Variants in FAM47E observed in about 807,000 individuals in gnomAD.
FAM47E encodes family with sequence similarity 47 member E, also known as protein FAM47E.
In FAM47E, 32 loss-of-function variants were observed where a neutral mutation model predicts 41.6. The ratio of observed to expected loss-of-function variants is 0.77; its 90% CI spans 0.58 to 1.03. The LOEUF is 1.03. Ranked by LOEUF, FAM47E falls within the 50% of genes least tolerant of loss-of-function variation. The probability of loss-of-function intolerance (pLI) is 0.00; values close to 1 mark genes in which losing one functional copy is unlikely to be tolerated. For missense variants in FAM47E, 424 were observed against 485.4 expected, an observed-to-expected ratio of 0.87 and a Z score of 1.19; for synonymous variants, 184 against 188.7, an observed-to-expected ratio of 0.98 and a Z score of 0.20.
At chr4:76,253,568 A>G (rs1430089034) in intron 1 of FAM47E, among the ~76,000 whole-genome samples, 1 of 152,158 alleles carries the variant, frequency 6.6e-6, no homozygotes, top group African/African-American at 2.4e-5. Flanking sequence ...ATGAGAGGCC[A>G]TGTGGGGGAG....
intron 6 of FAM47E, chr4:76,279,171 A>C (rs962946130): frequency 6.6e-6 from 1 of 152,198 alleles, no homozygotes; most frequent in African/African-American, 2.4e-5. Context: ...AAATTATGTA[A>C]ATAATGTTTG....
intron 2 of FAM47E, among the ~76,000 whole-genome samples, chr4:76,243,954 C>T (rs548625310): frequency 6.6e-6 from 1 of 152,272 alleles, no homozygotes; most frequent in East Asian, 1.9e-4. Flanking sequence ...CATATGTTCT[C>T]ATTGTTCAAC....
At chr4:76,227,969 A>AT (rs1733427371) in intron 2 of FAM47E, among the ~76,000 whole-genome samples, 1 of 152,042 alleles carries the variant, frequency 6.6e-6, no homozygotes, top group Non-Finnish European at 1.5e-5. Context: ...TGGTTACTTG[A>AT]TTTTTATCTA....
At chr4:76,255,358 T>C (rs1451825206) in intron 1 of FAM47E, among the ~76,000 whole-genome samples, 1 of 152,200 alleles carries the variant, frequency 6.6e-6, no homozygotes, top group East Asian at 1.9e-4. Flanking sequence ...AATATGCTCG[T>C]ATGTGTAAAG....
At chr4:76,276,069 C>CA (rs869240236) in intron 5 of FAM47E, among the ~76,000 whole-genome samples, 39,553 of 148,738 alleles carry the variant, frequency 0.27, 6,172 homozygotes, top group East Asian at 0.35. Flanking sequence ...CACACACACA[C>CA]CCCTCCCCTA....
chr4:76,227,880 A>G (rs1252332669), intron 2 of FAM47E, among the ~76,000 whole-genome samples: 1 of 152,184 alleles, frequency 6.6e-6, no homozygotes, highest in Non-Finnish European at 1.5e-5. Flanking sequence ...TTTGCCTAGA[A>G]TATCTTTTTC....
chr4:76,241,947 G>T (rs1733720871), intron 2 of FAM47E, among the ~76,000 whole-genome samples: 1 of 152,138 alleles, frequency 6.6e-6, no homozygotes, highest in African/African-American at 2.4e-5. Flanking sequence ...CAGCTTGAGG[G>T]CTAACAAGTA....
At chr4:76,233,671 TG>T (rs1237360476) in intron 2 of FAM47E, among the ~76,000 whole-genome samples, 1 of 151,268 alleles carries the variant, frequency 6.6e-6, no homozygotes, top group Non-Finnish European at 1.5e-5. Context: ...AGTCCCCGGG[TG>T]GGGTTCTTTA....
chr4:76,260,696 AAAAC>A (rs1382459486), intron 2 of FAM47E, among the ~76,000 whole-genome samples: 8 of 152,218 alleles, frequency 5.3e-5, no homozygotes, highest in South Asian at 2.1e-4. Flanking sequence ...AAATGCAACA[AAAAC>A]AAAAATAGAC....
chr4:76,253,342 T>C (rs1374069083), intron 1 of FAM47E, among the ~76,000 whole-genome samples: 1 of 151,718 alleles, frequency 6.6e-6, no homozygotes, highest in Non-Finnish European at 1.5e-5. Flanking sequence ...TATCGACATT[T>C]GTGTACAGAA....
chr4:76,246,678 T>C (rs762414528), intron 2 of FAM47E, among the ~76,000 whole-genome samples: 25 of 152,120 alleles, frequency 1.6e-4, no homozygotes, highest in Non-Finnish European at 2.9e-4. Flanking sequence ...GACTCCCTCA[T>C]GCCTTCTCTT....
At chr4:76,269,476 G>T (rs897122269) in intron 4 of FAM47E, 4 of 152,168 alleles carry the variant, frequency 2.6e-5, no homozygotes, top group Non-Finnish European at 5.9e-5. Flanking sequence ...AATTAGTCGG[G>T]TGTGGTGGTG....
intron 2 of FAM47E, 52 bp from the exon 3 acceptor site, chr4:76,263,652 T>C: frequency 3.9e-6 from 6 of 1,532,138 alleles, no homozygotes; most frequent in Non-Finnish European, 5.3e-6. Flanking sequence ...GAATGGGGAC[T>C]CCCTTCTTCA....
At chr4:76,277,547 T>TA (rs11330357) in intron 5 of FAM47E, among the ~76,000 whole-genome samples, 28,076 of 148,604 alleles carry the variant, frequency 0.19, 2,862 homozygotes, top group African/African-American at 0.28. Flanking sequence ...AGCAGTTTGA[T>TA]AAAAAAAAAA....
At chr4:76,221,348 C>T (rs1429501117) in intron 2 of FAM47E, among the ~76,000 whole-genome samples, 3 of 152,140 alleles carry the variant, frequency 2.0e-5, no homozygotes, top group Non-Finnish European at 4.4e-5. Flanking sequence ...GATGAAGTTT[C>T]GCTCTTGTTG....
intron 2 of FAM47E, among the ~76,000 whole-genome samples, chr4:76,246,436 T>C (rs964647883): frequency 6.6e-6 from 1 of 152,084 alleles, no homozygotes; most frequent in Non-Finnish European, 1.5e-5. Context: ...CTGCAGACTT[T>C]AGGGTGCCCT....
intron 1 of FAM47E, among the ~76,000 whole-genome samples, chr4:76,253,801 C>G (rs1164334933): frequency 1.0e-5 from 1 of 98,614 alleles, no homozygotes; most frequent in Non-Finnish European, 2.4e-5. Context: ...GGAACCCTGT[C>G]TCGAATTAAA....
exon 1 of FAM47E, chr4:76,214,238 A>G (rs1299595139): frequency 3.1e-5 from 14 of 454,766 alleles, no homozygotes; most frequent in East Asian, 2.1e-4. Flanking sequence ...TTACAACACA[A>G]TGTAGCAAGT....
At chr4:76,251,258 C>T (rs967733151), upstream of FAM47E, among the ~76,000 whole-genome samples, 8 of 152,124 alleles carry the variant, frequency 5.3e-5, no homozygotes, top group African/African-American at 1.7e-4. Flanking sequence ...GTGTGCAGCC[C>T]TCGGTTTACA....
Sources: gnomAD v4.1 joint callset for allele counts (sites outside exome capture counted in the v4.1 genomes callset) on GRCh38, gnomAD v4.1.1 for gene constraint, MANE v1.5 for transcripts, NCBI Gene and HGNC (gene_info 2026-07-23, HGNC 2026-07-21) for gene names.